Variants in BABAM2 observed in about 807,000 individuals in gnomAD.
The protein encoded by BABAM2 is BRISC and BRCA1 A complex member 2.
BABAM2 carries 31 observed loss-of-function variants against 54.7 expected under a neutral mutation model. The ratio of observed to expected loss-of-function variants is 0.57; its 90% CI spans 0.43 to 0.77. The LOEUF (loss-of-function observed/expected upper bound fraction) is 0.77, where lower values mean the gene tolerates loss of function less well. Among genes scored for constraint, BABAM2 ranks in the 30% least tolerant of loss-of-function variants. BABAM2 has a pLI of 0.00. For missense variants in BABAM2, 364 were observed against 455.8 expected, an observed-to-expected ratio of 0.80 and a Z score of 1.83; for synonymous variants, 167 against 162.9, an observed-to-expected ratio of 1.03 and a Z score of -0.19.
intron 7 of BABAM2, among the ~76,000 whole-genome samples, chr2:28,156,371 C>T (rs191194714): frequency 3.3e-5 from 5 of 151,782 alleles, no homozygotes; most frequent in Admixed American, 2.0e-4. Context: ...TTCTCTGCTA[C>T]TAATTGGGAG....
chr2:27,971,761 T>G lies in BABAM2; in HGVS notation c.206-16232T>G, dbSNP rs1216947055. Among the ~76,000 whole-genome samples, 2 of 152,248 alleles carry G rather than the reference T, an allele frequency of 1.3e-5. 1 individual carries two copies. Among genetic ancestry groups the G allele is most frequent in the East Asian group, 3.9e-4 (2 of 5,192 alleles). ...TTACTGATTTGTTTTAAAATTATATTTAATTCTGAACTACTTTTTAAAACT... is the reference window on the plus strand; with the variant it reads ...TTACTGATTTGTTTTAAAATTATATGTAATTCTGAACTACTTTTTAAAACT... On this transcript the variant is annotated intron_variant, in intron 3 of 11. Coordinates refer to ENST00000379624, the MANE Select transcript of BABAM2 (RefSeq NM_199191.3).
chr2:28,260,091 G>A (rs1285441629), intron 10 of BABAM2, among the ~76,000 whole-genome samples: 2 of 151,692 alleles, frequency 1.3e-5, no homozygotes, highest in Non-Finnish European at 2.9e-5. Context: ...AGTAGAGACG[G>A]GGTTTCACCA....
At chr2:28,184,287 C>CTCT (rs1676024046) in intron 7 of BABAM2, among the ~76,000 whole-genome samples, 2 of 72,438 alleles carry the variant, frequency 2.8e-5, no homozygotes, top group Non-Finnish European at 5.9e-5. Context: ...TCTCTCTCTC[C>CTCT]CCCCCTCCCT....
chr2:28,264,180 A>T (rs1684779629), intron 10 of BABAM2, among the ~76,000 whole-genome samples: 1 of 152,164 alleles, frequency 6.6e-6, no homozygotes, highest in Non-Finnish European at 1.5e-5. Flanking sequence ...AGGACTTAAC[A>T]TTTGTAGAGA....
chr2:27,965,495 G>T (rs753850715), intron 3 of BABAM2, among the ~76,000 whole-genome samples: 1 of 151,928 alleles, frequency 6.6e-6, no homozygotes, highest in African/African-American at 2.4e-5. Context: ...AATTCCGAGC[G>T]TCATATCGTG....
intron 6 of BABAM2, among the ~76,000 whole-genome samples, chr2:28,123,511 CCT>C (rs1353817332): frequency 5.3e-5 from 8 of 152,188 alleles, no homozygotes; most frequent in Non-Finnish European, 8.8e-5. Context: ...GTAACCATCC[CCT>C]GTTTTCCAAA....
At chr2:28,170,372 G>GA (rs1470129830) in intron 7 of BABAM2, among the ~76,000 whole-genome samples, 1 of 151,760 alleles carries the variant, frequency 6.6e-6, no homozygotes, top group East Asian at 1.9e-4. Flanking sequence ...TTTCTGCAAT[G>GA]AATGTCTACT....
intron 6 of BABAM2, among the ~76,000 whole-genome samples, chr2:28,087,983 C>T (rs544809309): frequency 7.9e-5 from 12 of 152,156 alleles, no homozygotes; most frequent in Admixed American, 1.3e-4. Context: ...GTAATGCTTT[C>T]GGTAGTTTAA....
chr2:28,010,944 C>T (rs1434772643), intron 4 of BABAM2, among the ~76,000 whole-genome samples: 1 of 152,174 alleles, frequency 6.6e-6, no homozygotes, highest in Non-Finnish European at 1.5e-5. Context: ...GCAGTCCCAG[C>T]TGATGTCTTT....
intron 10 of BABAM2, among the ~76,000 whole-genome samples, chr2:28,263,677 T>A (rs55887600): frequency 0.13 from 19,485 of 152,216 alleles, 1,495 homozygotes; most frequent in African/African-American, 0.21. Flanking sequence ...GTACTGTCTC[T>A]TCTGTAACAT....
At chr2:28,203,321 T>A (rs1022804771) in intron 7 of BABAM2, among the ~76,000 whole-genome samples, 1 of 152,220 alleles carries the variant, frequency 6.6e-6, no homozygotes, top group Non-Finnish European at 1.5e-5. Flanking sequence ...TCCCACAGCC[T>A]ATTTTATTCC....
At chr2:28,026,950 ATAT>A (rs1675874053) in intron 5 of BABAM2, among the ~76,000 whole-genome samples, 3 of 3,812 alleles carry the variant, frequency 7.9e-4, no homozygotes, top group East Asian at 0.1. Flanking sequence ...ATATATATTA[ATAT>A]ATATAAATAT....
At chr2:28,267,271 A>G (rs1271301883) in intron 10 of BABAM2, among the ~76,000 whole-genome samples, 1 of 152,182 alleles carries the variant, frequency 6.6e-6, no homozygotes, top group African/African-American at 2.4e-5. Flanking sequence ...CAACCAGGAT[A>G]GGATACTGAC....
intron 7 of BABAM2, among the ~76,000 whole-genome samples, chr2:28,236,629 G>T (rs1681941491): frequency 6.6e-6 from 1 of 152,162 alleles, no homozygotes; most frequent in South Asian, 2.1e-4. Context: ...GCCTCCCAAA[G>T]TGCTGGGATT....
At chr2:28,199,129 C>G (rs1166333090) in intron 7 of BABAM2, among the ~76,000 whole-genome samples, 2 of 152,220 alleles carry the variant, frequency 1.3e-5, no homozygotes, top group African/African-American at 2.4e-5. Context: ...TAATGCAGTG[C>G]TAATCCCTTT....
intron 6 of BABAM2, among the ~76,000 whole-genome samples, chr2:28,070,581 G>T (rs1441616562): frequency 6.9e-6 from 1 of 145,322 alleles, no homozygotes; most frequent in African/African-American, 2.6e-5. Flanking sequence ...ACGGAGTCTC[G>T]CTCTGTCACC....
At chr2:28,235,829 A>T (rs571041790) in intron 7 of BABAM2, among the ~76,000 whole-genome samples, 4 of 147,332 alleles carry the variant, frequency 2.7e-5, no homozygotes, top group Non-Finnish European at 6.0e-5. Flanking sequence ...TAATTTTTTA[A>T]TTTTTTTTTT....
chr2:28,149,643 T>C (rs1671830574), intron 7 of BABAM2, among the ~76,000 whole-genome samples: 1 of 152,150 alleles, frequency 6.6e-6, no homozygotes, highest in Admixed American at 6.5e-5. Context: ...TTCCACCGTA[T>C]CACTCCACAC....
chr2:28,059,182 G>A (rs370418577), intron 6 of BABAM2, among the ~76,000 whole-genome samples: 1 of 152,178 alleles, frequency 6.6e-6, no homozygotes, highest in East Asian at 1.9e-4. Flanking sequence ...TACAGAACTA[G>A]AAGAGAGGGA....
Sources: allele counts gnomAD v4.1 joint callset (sites outside exome capture counted in the v4.1 genomes callset), GRCh38; gene constraint gnomAD v4.1.1; transcripts MANE v1.5; gene names NCBI Gene and HGNC (gene_info 2026-07-23, HGNC 2026-07-21).